TOP1: variants seen among roughly 807,000 people sequenced by gnomAD.
TOP1 encodes the protein DNA topoisomerase I.
TOP1 carries 10 observed loss-of-function variants against 111.1 expected under a neutral mutation model. That is an observed-to-expected ratio of 0.09 (90% CI 0.06 to 0.15). The LOEUF (loss-of-function observed/expected upper bound fraction) is 0.15, where lower values mean the gene tolerates loss of function less well. Ranked by LOEUF, TOP1 falls within the 10% of genes least tolerant of loss-of-function variation. The pLI is 1.00. For missense variants in TOP1, 474 were observed against 926.7 expected, an observed-to-expected ratio of 0.51 and a Z score of 6.34; for synonymous variants, 271 against 302.9, an observed-to-expected ratio of 0.89 and a Z score of 1.10.
chr20:41,072,937 G>GAT, intron 3 of TOP1: 1 of 985,436 alleles, frequency 1.0e-6, no homozygotes. Flanking sequence ...AAGTCAGGAT[G>GAT]ATAGCTTCAT....
At chr20:41,103,374 G>T (rs1045259477) in intron 13 of TOP1, among the ~76,000 whole-genome samples, 1 of 152,146 alleles carries the variant, frequency 6.6e-6, no homozygotes, top group Non-Finnish European at 1.5e-5. Flanking sequence ...ATGCTTTCCT[G>T]TGACATCCAC....
chr20:41,054,854 T>C (rs1318055600), intron 2 of TOP1, among the ~76,000 whole-genome samples: 1 of 152,242 alleles, frequency 6.6e-6, no homozygotes, highest in Non-Finnish European at 1.5e-5. Context: ...TTTTACACAT[T>C]AGCCCTCAAC....
intron 3 of TOP1, among the ~76,000 whole-genome samples, chr20:41,074,385 C>T (rs6129750): frequency 0.17 from 25,159 of 152,022 alleles, 3,227 homozygotes; most frequent in East Asian, 0.7. Context: ...AATTTTCCTC[C>T]TATAGAAACT....
intron 14 of TOP1, among the ~76,000 whole-genome samples, chr20:41,113,291 A>G (rs1201724864): frequency 2.6e-5 from 4 of 152,214 alleles, no homozygotes; most frequent in Admixed American, 2.6e-4. Context: ...GTATTTTAAC[A>G]TAAGTTCTGA....
intron 2 of TOP1, among the ~76,000 whole-genome samples, chr20:41,038,150 A>G (rs2033212719): frequency 6.6e-6 from 1 of 152,184 alleles, no homozygotes; most frequent in Non-Finnish European, 1.5e-5. Flanking sequence ...CAGAATGCGA[A>G]TAGTCTCCCG....
At position 41,028,991 on chromosome 20, in the gene TOP1, C is replaced by T. The variant is rs1282433715; in HGVS notation, c.-77C>T. On this transcript the variant is annotated 5_prime_UTR_variant, in exon 1 of 21. Coordinates refer to ENST00000361337, the MANE Select transcript of TOP1 (RefSeq NM_003286.4). ...CTCGAGCCTCCGGAGTCCCCGTCCGCCCGCACAGGCCGGTTCGCCGTCTGC... is the reference window on the plus strand; with the variant it reads ...CTCGAGCCTCCGGAGTCCCCGTCCGTCCGCACAGGCCGGTTCGCCGTCTGC... The T allele has an allele frequency of 2.2e-6, 3 of 1,333,554 alleles. No individual in the cohort carries two copies. The highest frequency in any genetic ancestry group is 3.1e-6 in the Non-Finnish European group (3 of 967,646). The allele number at this position is 1,333,554 out of a possible 1,614,324, so 82.6% of individuals were successfully genotyped here.
chr20:41,045,660 G>C (rs1023805690), intron 2 of TOP1, among the ~76,000 whole-genome samples: 14 of 152,160 alleles, frequency 9.2e-5, no homozygotes, highest in African/African-American at 2.9e-4. Flanking sequence ...AACTTCATTT[G>C]AAATTGTAAG....
In TOP1 at chr20:41,081,179, C is replaced by A; in HGVS notation, c.446C>A (p.Pro149His). 1 of 1,597,428 alleles carries A rather than the reference C, an allele frequency of 6.3e-7. No individual in the cohort carries two copies. The highest frequency in any genetic ancestry group is 1.1e-5 in the South Asian group (1 of 89,940). Residue 149 changes from proline (P) to histidine (H), a missense_variant, in exon 7 of 21, where the codon CCT (proline) becomes CAT (histidine). Physicochemically the swap from Pro to His is moderately conservative, Grantham distance 77. Around this residue, in one of 14 missense-constraint regions of TOP1, gnomAD observed 185 missense variants for 226.3 expected, o/e 0.82. Transcript: ENST00000361337. ...CCCCTTTCTAGTGCTGATTATAAAC[C>A]TAAGAAAATTAAAACAGAAGATACC... ...PRDEDDADYK[P>H]KKIKTEDTKK...
chr20:41,098,341 C>CTACA lies in TOP1; in HGVS notation c.975+5_975+8dup, dbSNP rs1208077395. 2.5e-6 allele frequency: 4 copies of CTACA among 1,610,314 alleles called. No individual in the cohort carries two copies. The highest frequency in any genetic ancestry group is 3.4e-6 in the Non-Finnish European group (4 of 1,179,046). ...GATGAGCAAGGAAGAGAAACTGGTACTACAGAATTTATTAAACCTCTGGAG... is the reference window on the plus strand; with the variant it reads ...GATGAGCAAGGAAGAGAAACTGGTACTACATACAGAATTTATTAAACCTCTGGAG... On this transcript the variant is annotated splice_donor_region_variant and intron_variant, in intron 11 of 20. Transcript: ENST00000361337. The surrounding 1 kb of genome is among the most constrained non-coding windows in gnomAD (Gnocchi z 5.7).
intron 8 of TOP1, among the ~76,000 whole-genome samples, chr20:41,085,289 TTTTG>T (rs2033835009): frequency 6.6e-6 from 1 of 152,210 alleles, no homozygotes; most frequent in Admixed American, 6.5e-5. Context: ...TGATAAATCT[TTTTG>T]TTTAATGCCT....
At position 41,028,924 on chromosome 20, in the gene TOP1, TG is replaced by T; in HGVS notation, c.-142del. ...CCGTGGTAGCAGCCTCAGCCGTTTC[TG>T]GAGTCTCGGGCCCACAGTCACCGCC... On this transcript the variant is annotated 5_prime_UTR_variant, in exon 1 of 21. Transcript: ENST00000361337. 1.5e-6 allele frequency: 1 copy of T among 653,096 alleles called. No individual in the cohort carries two copies. The allele number at this position is 653,096 out of a possible 1,614,324, so 40.5% of individuals were successfully genotyped here.
chr20:41,107,909 C>T (rs6016514), intron 13 of TOP1, among the ~76,000 whole-genome samples: 49 of 152,198 alleles, frequency 3.2e-4, no homozygotes, highest in Non-Finnish European at 5.7e-4. Flanking sequence ...TCAAGTCCCC[C>T]CTTCTTGCAT....
intron 13 of TOP1, among the ~76,000 whole-genome samples, chr20:41,105,591 G>A (rs978502395): frequency 2.6e-5 from 4 of 152,134 alleles, no homozygotes; most frequent in Non-Finnish European, 5.9e-5. Context: ...TCTGCCTCCC[G>A]GATTCAAGTG....
intron 13 of TOP1, among the ~76,000 whole-genome samples, chr20:41,104,914 A>C (rs543002643): frequency 6.6e-5 from 10 of 152,370 alleles, no homozygotes; most frequent in African/African-American, 2.4e-4. Context: ...TAGATTTAAA[A>C]AATGTAGATA....
At chr20:41,089,882 T>A (rs1158102446) in intron 8 of TOP1, among the ~76,000 whole-genome samples, 2 of 152,350 alleles carry the variant, frequency 1.3e-5, no homozygotes, top group East Asian at 3.9e-4. Context: ...TCCTAATGAT[T>A]ATTGATGTTG....
Position 41,093,102 on chromosome 20 carries a change from ATG to A in TOP1, c.730+518_730+519del, listed in dbSNP as rs551195242. 5.9e-3 allele frequency among the ~76,000 whole-genome samples: 901 copies of A among 152,286 alleles called. 7 individuals carry two copies. Among genetic ancestry groups the A allele is most frequent in the South Asian group, 0.019 (90 of 4,824 alleles). On this transcript the variant is annotated intron_variant, in intron 9 of 20. Coordinates refer to ENST00000361337, the MANE Select transcript of TOP1 (RefSeq NM_003286.4). Reference sequence around the variant, plus strand: ...TAGCATAACACTATGCCTTTGATATATGTGCAATCAAGTCTGATGAGCTGCTT... The same window carrying A: ...TAGCATAACACTATGCCTTTGATATATGCAATCAAGTCTGATGAGCTGCTT...
Position 41,122,509 on chromosome 20 carries a change from T to G in TOP1, c.2195+354T>G, listed in dbSNP as rs1357690107. The stretch of plus-strand genomic sequence containing the variant: ...ATCCATCTCTACACTTCAACAAAAC[T>G]TTTCGTTGAATTTTTTTGCAGTTGA... On this transcript the variant is annotated intron_variant, in intron 20 of 20. Transcript: ENST00000361337. The surrounding 1 kb of genome is among the most constrained non-coding windows in gnomAD (Gnocchi z 5.4). Among the ~76,000 whole-genome samples, 1 of 152,168 alleles carries G rather than the reference T, an allele frequency of 6.6e-6. No homozygotes were observed. Among genetic ancestry groups the G allele is most frequent in the African/African-American group, 2.4e-5 (1 of 41,436 alleles).
In TOP1 at chr20:41,121,819, G is replaced by T; in HGVS notation, c.2045+29G>T. ...TGTACCTGGTATTGTGAAAGTTGGGGCTGGTAGAGAAAAGTGTGCAGCATC... is the reference window on the plus strand; with the variant it reads ...TGTACCTGGTATTGTGAAAGTTGGGTCTGGTAGAGAAAAGTGTGCAGCATC... On this transcript the variant is annotated intron_variant, in intron 19 of 20. Coordinates refer to ENST00000361337, the MANE Select transcript of TOP1 (RefSeq NM_003286.4). The surrounding 1 kb of genome is among the most constrained non-coding windows in gnomAD (Gnocchi z 4.2). 2 of 1,605,838 alleles carry T rather than the reference G, an allele frequency of 1.2e-6. No individual in the cohort carries two copies. The highest frequency in any genetic ancestry group is 1.7e-6 in the Non-Finnish European group (2 of 1,172,412).
At chr20:41,076,996 G>T (rs1215226825) in intron 4 of TOP1, among the ~76,000 whole-genome samples, 1 of 152,102 alleles carries the variant, frequency 6.6e-6, no homozygotes, top group Non-Finnish European at 1.5e-5. Flanking sequence ...ATTTTCTGAC[G>T]AATCTAGAAA....
Sources: gnomAD v4.1 joint callset for allele counts (sites outside exome capture counted in the v4.1 genomes callset) on GRCh38, gnomAD v4.1.1 for gene constraint, gnomAD v4.1.1 regional missense constraint, Gnocchi (gnomAD v3.1) non-coding constraint, MANE v1.5 for transcripts, NCBI Gene and HGNC (gene_info 2026-07-23, HGNC 2026-07-21) for gene names.